CSMD1: variants seen among roughly 807,000 people sequenced by gnomAD.
CSMD1 encodes CUB and sushi domain-containing protein 1.
A neutral mutation model predicts 417.5 loss-of-function variants in CSMD1; 213 were observed. That is an observed-to-expected ratio of 0.51 (90% CI 0.46 to 0.57). CSMD1 has a LOEUF of 0.57. CSMD1 is among the 20% of genes least tolerant of loss of function. The pLI, the probability that CSMD1 is intolerant of heterozygous loss-of-function variation, is 0.00. For missense variants in CSMD1, 6,923 were observed against 4,529.7 expected (o/e 1.53, Z -15.17); for synonymous variants, 2,862 against 1,736.8 (o/e 1.65, Z -16.11).
chr8:3,897,733 G>A (rs1167048224), intron 5 of CSMD1, among the ~76,000 whole-genome samples: 1 of 152,098 alleles, frequency 6.6e-6, no homozygotes, highest in African/African-American at 2.4e-5. Context: ...TAAAGTTACT[G>A]CAAAAGCCTC....
intron 3 of CSMD1, among the ~76,000 whole-genome samples, chr8:4,077,404 G>A (rs995536833): frequency 1.3e-5 from 2 of 149,864 alleles, no homozygotes; most frequent in Non-Finnish European, 3.0e-5. Context: ...ATTATAATAA[G>A]CTCTTAATAA....
chr8:3,398,792 A>G (rs1811855889), intron 16 of CSMD1, among the ~76,000 whole-genome samples: 2 of 152,204 alleles, frequency 1.3e-5, no homozygotes, highest in South Asian at 4.1e-4. Context: ...TAGAACTCCA[A>G]TAGCCTGCTT....
At chr8:4,801,786 G>C (rs1347060815) in intron 1 of CSMD1, among the ~76,000 whole-genome samples, 1 of 152,054 alleles carries the variant, frequency 6.6e-6, no homozygotes, top group Non-Finnish European at 1.5e-5. Context: ...ATACAACTGA[G>C]AGTAAAAAGA....
intron 5 of CSMD1, among the ~76,000 whole-genome samples, chr8:3,964,080 C>T (rs1384340655): frequency 6.6e-6 from 1 of 152,170 alleles, no homozygotes; most frequent in African/African-American, 2.4e-5. Flanking sequence ...GCTTGAATAA[C>T]TTTTTTGTCA....
At chr8:4,430,974 C>T (rs995097768) in intron 2 of CSMD1, among the ~76,000 whole-genome samples, 6 of 152,248 alleles carry the variant, frequency 3.9e-5, no homozygotes, top group South Asian at 2.1e-4. Flanking sequence ...TCCTTTCAAT[C>T]TTTTCTCCCC....
At chr8:3,020,562 G>A (rs1312076438) in intron 51 of CSMD1, among the ~76,000 whole-genome samples, 3 of 152,072 alleles carry the variant, frequency 2.0e-5, no homozygotes, top group Admixed American at 6.5e-5. Context: ...TTGTAGAGAT[G>A]GGGGTCTCAT....
At chr8:4,886,385 G>A (rs117395532) in intron 1 of CSMD1, among the ~76,000 whole-genome samples, 2 of 151,700 alleles carry the variant, frequency 1.3e-5, no homozygotes, top group Non-Finnish European at 2.9e-5. Flanking sequence ...ACATTATTAT[G>A]ATGCTGGATT....
intron 5 of CSMD1, among the ~76,000 whole-genome samples, chr8:3,916,402 A>C (rs1274190020): frequency 6.6e-6 from 1 of 152,178 alleles, no homozygotes; most frequent in Admixed American, 6.6e-5. Context: ...AATAACTCTC[A>C]ATTTCTAAAA....
chr8:4,134,399 G>A (rs969723175), intron 3 of CSMD1, among the ~76,000 whole-genome samples: 5 of 152,154 alleles, frequency 3.3e-5, no homozygotes, highest in African/African-American at 7.2e-5. Context: ...AAGGCACAAA[G>A]GGATGACCTT....
chr8:3,511,504 C>G (rs747927403), intron 10 of CSMD1, among the ~76,000 whole-genome samples: 7 of 151,688 alleles, frequency 4.6e-5, no homozygotes, highest in Non-Finnish European at 1.0e-4. Context: ...GCTGTAATCC[C>G]TGCACTTTGG....
rs936918527 is a variant in CSMD1 at position 3,267,951 on chromosome 8, C to T, written c.4153+16193G>A. ...CAGAGCCTCAGAAATGAGGATTATG[C>T]CAGAGGGGAACAGGATTCCATGAAG... On this transcript the variant is annotated intron_variant, in intron 26 of 69. Coordinates refer to ENST00000635120, the MANE Select transcript of CSMD1 (RefSeq NM_033225.6). Among the ~76,000 whole-genome samples, 22 of 152,016 alleles carry T rather than the reference C, an allele frequency of 1.4e-4. 1 individual carries two copies. The highest frequency in any genetic ancestry group is 3.1e-4 in the Non-Finnish European group (21 of 67,996).
At chr8:3,821,829 A>T (rs1270454333) in intron 5 of CSMD1, among the ~76,000 whole-genome samples, 2 of 152,128 alleles carry the variant, frequency 1.3e-5, no homozygotes, top group East Asian at 1.9e-4. Flanking sequence ...GTTTAATGGG[A>T]GAAACAAAGT....
At chr8:3,185,077 G>A (rs1821661548) in intron 36 of CSMD1, among the ~76,000 whole-genome samples, 1 of 152,154 alleles carries the variant, frequency 6.6e-6, no homozygotes, top group Non-Finnish European at 1.5e-5. Flanking sequence ...ATCAAGAACT[G>A]AAGGGACCAT....
At chr8:4,901,913 T>C (rs1804895980) in intron 1 of CSMD1, among the ~76,000 whole-genome samples, 1 of 152,094 alleles carries the variant, frequency 6.6e-6, no homozygotes, top group Admixed American at 6.5e-5. Context: ...CCTAAATACG[T>C]TAAAAAGATT....
intron 7 of CSMD1, among the ~76,000 whole-genome samples, chr8:3,668,543 A>G (rs1204362488): frequency 1.3e-5 from 2 of 152,150 alleles, no homozygotes; most frequent in Admixed American, 1.3e-4. Flanking sequence ...CCTATTCCTT[A>G]CCACAGGTAA....
At chr8:4,964,523 AAAGG>A (rs1190310440) in intron 1 of CSMD1, among the ~76,000 whole-genome samples, 17 of 150,762 alleles carry the variant, frequency 1.1e-4, no homozygotes, top group African/African-American at 3.6e-4. Context: ...AAAAAAAAAA[AAAGG>A]AAGGAAGGAA....
chr8:4,031,605 A>G (rs1298287518), intron 4 of CSMD1, among the ~76,000 whole-genome samples: 4 of 152,032 alleles, frequency 2.6e-5, no homozygotes, highest in African/African-American at 9.7e-5. Flanking sequence ...TAAACTTGCT[A>G]TTGACTTTAT....
intron 5 of CSMD1, among the ~76,000 whole-genome samples, chr8:3,972,664 G>T (rs1009548515): frequency 6.6e-6 from 1 of 152,186 alleles, no homozygotes; most frequent in African/African-American, 2.4e-5. Flanking sequence ...AATAGTAACA[G>T]ATTATGACCA....
rs141318942 is a variant in CSMD1, at chr8:3,046,276, C to T, written c.7660+6186G>A. ...TGGTGCAGAAGTGAAGCCACGTGGACGCATGTGTTTCAGAGGCAGGGCTTG... is the reference window on the plus strand; with the variant it reads ...TGGTGCAGAAGTGAAGCCACGTGGATGCATGTGTTTCAGAGGCAGGGCTTG... On this transcript the variant is annotated intron_variant, in intron 50 of 69. Coordinates refer to ENST00000635120, the MANE Select transcript of CSMD1 (RefSeq NM_033225.6). 2.7e-3 allele frequency among the ~76,000 whole-genome samples: 408 copies of T among 152,112 alleles called. 4 individuals are homozygous for T. The highest frequency in any genetic ancestry group is 9.1e-3 in the African/African-American group (377 of 41,482).
Sources: gnomAD v4.1 joint callset for allele counts (sites outside exome capture counted in the v4.1 genomes callset) on GRCh38, gnomAD v4.1.1 for gene constraint, MANE v1.5 for transcripts, NCBI Gene and HGNC (gene_info 2026-07-23, HGNC 2026-07-21) for gene names.